FBXL18: variants seen among roughly 807,000 people sequenced by gnomAD.
The protein encoded by FBXL18 is F-box and leucine rich repeat protein 18.
FBXL18 carries 36 observed loss-of-function variants against 46.0 expected under a neutral mutation model. The observed-to-expected ratio is 0.78, with a 90% CI of 0.60 to 1.03. FBXL18 has a LOEUF of 1.03. FBXL18 is among the 50% of genes least tolerant of loss of function. The pLI is 0.00. For synonymous variants in FBXL18, 557 were observed against 465.3 expected, an observed-to-expected ratio of 1.20 and a Z score of -2.54; for missense variants, 977 against 1,004.1, an observed-to-expected ratio of 0.97 and a Z score of 0.36.
In FBXL18 at chr7:5,462,983, TATATATATATATA is replaced by T. The variant is rs1161469685; in HGVS notation, c.2001-15153_2001-15141del. ...AAAAAAAAAAAAATATATATATATA[TATATATATATATA>T]ATATATATACACACACACATGCATA... On this transcript the variant is annotated intron_variant and NMD_transcript_variant, in intron 4 of 6. Coordinates refer to the FBXL18 transcript ENST00000415009. Among the ~76,000 whole-genome samples, 394 of 45,294 alleles carry T rather than the reference TATATATATATATA, an allele frequency of 8.7e-3. 16 individuals carry two copies. The highest frequency in any genetic ancestry group is 0.016 in the African/African-American group (236 of 14,868). The allele number at this position is 45,294 out of a possible 152,430, so 29.7% of individuals were successfully genotyped here.
At chr7:5,511,656 T>G (rs1457770732) in intron 1 of FBXL18, among the ~76,000 whole-genome samples, 1 of 148,684 alleles carries the variant, frequency 6.7e-6, no homozygotes, top group South Asian at 2.1e-4. Context: ...TAGTCCCAGC[T>G]ACTTGAGAGG....
chr7:5,475,626 T>A (rs1351999273), downstream of FBXL18, among the ~76,000 whole-genome samples: 1 of 152,076 alleles, frequency 6.6e-6, no homozygotes, highest in East Asian at 1.9e-4. This position sits in a 1 kb window ranked among gnomAD's most constrained non-coding sequence, Gnocchi z 4.2. Flanking sequence ...TGCCCCCCGC[T>A]TTGGGTCTTG....
rs973283411 is a variant in FBXL18 at position 5,455,376 on chromosome 7, C to T, written c.2001-7533G>A. 5.9e-5 allele frequency among the ~76,000 whole-genome samples: 9 copies of T among 152,100 alleles called. No individual in the cohort carries two copies. In the East Asian group the frequency reaches 1.7e-3, roughly 29 times the overall value. On this transcript the variant is annotated intron_variant and NMD_transcript_variant, in intron 4 of 6. Transcript: ENST00000415009. This position sits in a 1 kb window ranked among gnomAD's most constrained non-coding sequence, Gnocchi z 4.6. ...ATTCTCAGGCCACATACTTGGGGAG[C>T]ACCCTCAGGGAAGTACTCTAGGGAG...
chr7:5,497,939 C>T (rs1784126087), intron 3 of FBXL18, among the ~76,000 whole-genome samples: 1 of 152,110 alleles, frequency 6.6e-6, no homozygotes, highest in South Asian at 2.1e-4. Context: ...CGCAACCCAC[C>T]CCACCAGCTA....
In FBXL18 at chr7:5,501,144, C is replaced by T. The variant is rs1784238982; in HGVS notation, c.1125G>A (p.Leu375=). The T allele has an allele frequency of 1.9e-6, 3 of 1,613,004 alleles. No homozygotes were observed. ...TGCAGCAGGACGCCACCAGAGTCTC[C>T]AGGATGCTGCTGTCGATGTCGTCCT... is the stretch of plus-strand genomic sequence containing the variant. ...KAEDDIDSSI[L]ETLVASCCNL... is the part of the protein sequence containing the mutation. The change falls in exon 3 of 5, where the codon CTG becomes CTA. Residue 375 remains leucine (L), a synonymous_variant. Coordinates refer to ENST00000382368, the MANE Select transcript of FBXL18 (RefSeq NM_024963.6).
In FBXL18 at chr7:5,501,384, C is replaced by G. The variant is rs1194156368; in HGVS notation, c.885G>C (p.Leu295=). 1 of 1,613,740 alleles carries G rather than the reference C, an allele frequency of 6.2e-7. No individual in the cohort carries two copies. Among genetic ancestry groups the G allele is most frequent in the African/African-American group, 1.3e-5 (1 of 74,896 alleles). ...SMARNVVLDA[L]QLPKSWLNGS... Reference sequence around the variant, plus strand: ...CGTTCAGCCAGGACTTGGGCAGCTGCAGGGCATCCAGCACGACATTGCGCG... The same window carrying G: ...CGTTCAGCCAGGACTTGGGCAGCTGGAGGGCATCCAGCACGACATTGCGCG... Residue 295 remains leucine, a synonymous_variant, in exon 3 of 5, where the codon CTG becomes CTC. Coordinates refer to ENST00000382368, the MANE Select transcript of FBXL18 (RefSeq NM_024963.6).
At chr7:5,495,102 G>A (rs1784041811) in intron 3 of FBXL18, among the ~76,000 whole-genome samples, 2 of 152,176 alleles carry the variant, frequency 1.3e-5, no homozygotes. Flanking sequence ...TCTGCAGGGA[G>A]GATGGGGACG....
chr7:5,474,752 G>A (rs926273235), downstream of FBXL18, among the ~76,000 whole-genome samples: 2 of 150,412 alleles, frequency 1.3e-5, no homozygotes, highest in South Asian at 4.2e-4. Context: ...CTGTCACCCA[G>A]GCTGGAGTGC....
intron 3 of FBXL18, among the ~76,000 whole-genome samples, chr7:5,497,684 C>G (rs192448247): frequency 4.9e-4 from 74 of 152,294 alleles, no homozygotes; most frequent in Non-Finnish European, 7.9e-4. Flanking sequence ...GCCCTTATCT[C>G]TACTCTGCAT....
chr7:5,512,294 A>AT (rs1315935119), intron 1 of FBXL18, among the ~76,000 whole-genome samples: 2 of 106,158 alleles, frequency 1.9e-5, no homozygotes, highest in South Asian at 2.9e-4. Context: ...GTGAAGTGTT[A>AT]TTTAAAAAAA....
chr7:5,484,769 G>C (rs181584457), intron 4 of FBXL18, among the ~76,000 whole-genome samples: 16 of 151,558 alleles, frequency 1.1e-4, no homozygotes, highest in Admixed American at 9.2e-4. Flanking sequence ...CTCCCAAGCA[G>C]CCAGGATTAC....
intron 3 of FBXL18, chr7:5,495,757 T>C: frequency 2.1e-6 from 1 of 470,648 alleles, no homozygotes; most frequent in Non-Finnish European, 4.4e-6. Context: ...GAGTGCCACC[T>C]GCTCCTTCCA....
rs1378828589 is a variant in FBXL18, at chr7:5,479,180, G to T, written c.*2595C>A. ...CACTGTTTCAGGGGTGCTTTCCAAG[G>T]CACTGCACCCCAGCCTCAGGAACAG... On this transcript the variant is annotated 3_prime_UTR_variant, in exon 5 of 5. Coordinates refer to ENST00000382368, the MANE Select transcript of FBXL18 (RefSeq NM_024963.6). 1 of 152,022 alleles carries T rather than the reference G, an allele frequency of 6.6e-6. No homozygotes were observed. Among genetic ancestry groups the T allele is most frequent in the Non-Finnish European group, 1.5e-5 (1 of 68,020 alleles). 9.4% of individuals were successfully genotyped at this position (152,022 alleles called of 1,614,324 possible). A position where few individuals can be genotyped will look rare whatever the true frequency, so the allele number is the denominator to read the frequency against.
chr7:5,482,451 G>A (rs1783672713), intron 4 of FBXL18, among the ~76,000 whole-genome samples: 1 of 152,168 alleles, frequency 6.6e-6, no homozygotes, highest in South Asian at 2.1e-4. Context: ...TGGCCACTCA[G>A]GAAAAGCACA....
At chr7:5,489,433 G>A (rs577356170) in intron 4 of FBXL18, 6 of 447,952 alleles carry the variant, frequency 1.3e-5, no homozygotes, top group South Asian at 1.0e-4. Context: ...TCAGGAGTTA[G>A]AGACCAGCCT....
chr7:5,489,502 G>A (rs1446409741), intron 4 of FBXL18: 2 of 348,104 alleles, frequency 5.7e-6, no homozygotes, highest in Non-Finnish European at 5.6e-6. Flanking sequence ...CGGGCGCGGT[G>A]GCTCACGCCT....
chr7:5,490,350 C>T lies in FBXL18; in HGVS notation c.2000+881G>A, dbSNP rs1783889978. 7.0e-6 allele frequency: 7 copies of T among 1,003,746 alleles called. No homozygotes were observed. In the South Asian group the frequency reaches 7.5e-5, roughly 11 times the overall value. 62.2% of individuals were successfully genotyped at this position (1,003,746 alleles called of 1,614,324 possible). ...TCTTGAAATGCGTCACTCCCCACAT[C>T]GCCTACCAAGCTCCAGCTCTCTCCA... On this transcript the variant is annotated intron_variant, in intron 4 of 4. Transcript: ENST00000382368.
chr7:5,454,695 C>T (rs562135376), intron 4 of FBXL18, among the ~76,000 whole-genome samples: 2 of 152,250 alleles, frequency 1.3e-5, no homozygotes, highest in East Asian at 1.9e-4. Flanking sequence ...GAAGCTGCCC[C>T]AGGGCACACA....
At position 5,478,817 on chromosome 7, in the gene FBXL18, T is replaced by C. The variant is rs1351210968; in HGVS notation, c.*2958A>G. 1 of 149,164 alleles carries C rather than the reference T, an allele frequency of 6.7e-6. No individual in the cohort carries two copies. Among genetic ancestry groups the C allele is most frequent in the Non-Finnish European group, 1.5e-5 (1 of 67,218 alleles). 9.2% of individuals were successfully genotyped at this position (149,164 alleles called of 1,614,324 possible). ...ACGCAGGCACACGCATGCAGGCACA[T>C]GTGCACACACAGGGCACAGGTACCC... On this transcript the variant is annotated 3_prime_UTR_variant, in exon 5 of 5. Coordinates refer to ENST00000382368, the MANE Select transcript of FBXL18 (RefSeq NM_024963.6).
Sources: allele counts gnomAD v4.1 joint callset (sites outside exome capture counted in the v4.1 genomes callset), GRCh38; gene constraint gnomAD v4.1.1; non-coding constraint Gnocchi (gnomAD v3.1); transcripts MANE v1.5; gene names NCBI Gene and HGNC (gene_info 2026-07-23, HGNC 2026-07-21).